Variants in ETV1 observed in about 807,000 individuals in gnomAD.
The protein encoded by ETV1 is ETS translocation variant 1.
A neutral mutation model predicts 62.3 loss-of-function variants in ETV1; 27 were observed. That is an observed-to-expected ratio of 0.43 (90% CI 0.32 to 0.60). ETV1 has a LOEUF of 0.60. Ranked by LOEUF, ETV1 falls within the 20% of genes least tolerant of loss-of-function variation. The probability of loss-of-function intolerance (pLI) is 0.06; values close to 1 mark genes in which losing one functional copy is unlikely to be tolerated. For synonymous variants in ETV1, 222 were observed against 199.6 expected (o/e 1.11, Z -0.94); for missense variants, 605 against 605.8 (o/e 1.00, Z 0.01).
At chr7:13,988,547 T>TCCC in intron 3 of ETV1, 1 of 337,732 alleles carries the variant, frequency 3.0e-6, no homozygotes, top group Non-Finnish European at 5.1e-6. Flanking sequence ...CAGCCCCTCC[T>TCCC]CCCCACCCCA....
intron 9 of ETV1, among the ~76,000 whole-genome samples, chr7:13,921,845 C>G (rs867238661): frequency 6.6e-6 from 1 of 152,078 alleles, no homozygotes. Flanking sequence ...TGAACGTATA[C>G]CGAATTATTA....
chr7:13,988,051 A>G (rs915094204), intron 4 of ETV1, 35 bp downstream of exon 4: 1 of 1,301,054 alleles, frequency 7.7e-7, no homozygotes, highest in Non-Finnish European at 1.1e-6. Flanking sequence ...AGTGTAGGTA[A>G]AAAAATGGGG....
intron 7 of ETV1, among the ~76,000 whole-genome samples, chr7:13,936,972 G>T (rs1382810189): frequency 6.6e-6 from 1 of 152,108 alleles, no homozygotes; most frequent in Non-Finnish European, 1.5e-5. Flanking sequence ...AACTCGGGAG[G>T]CAGAGGTTGC....
chr7:13,975,886 G>T (rs568445976), intron 6 of ETV1, among the ~76,000 whole-genome samples: 1 of 152,134 alleles, frequency 6.6e-6, no homozygotes, highest in Non-Finnish European at 1.5e-5. Flanking sequence ...AATTACTTTG[G>T]ATGTAAAATA....
At chr7:13,982,110 G>A (rs1782044439) in intron 5 of ETV1, among the ~76,000 whole-genome samples, 1 of 152,010 alleles carries the variant, frequency 6.6e-6, no homozygotes, top group Admixed American at 6.6e-5. Context: ...TATTCTTACT[G>A]TAACAGTAAA....
rs2128395219 is a variant in ETV1 at position 13,892,576 on chromosome 7, C to G, written c.*3290G>C. 4.3e-6 allele frequency: 1 copy of G among 232,752 alleles called. No homozygotes were observed. Among genetic ancestry groups the G allele is most frequent in the South Asian group, 1.8e-4 (1 of 5,520 alleles). The allele number at this position is 232,752 out of a possible 1,614,324, so 14.4% of individuals were successfully genotyped here. On this transcript the variant is annotated 3_prime_UTR_variant, in exon 14 of 14. Transcript: ENST00000430479. ...CTGCCCTCACCCCTTACATCCATGT[C>G]CTAATCCCTGGGACCTATGAATAAT...
intron 6 of ETV1, among the ~76,000 whole-genome samples, chr7:13,960,210 A>G (rs1259530110): frequency 6.6e-6 from 1 of 152,210 alleles, no homozygotes; most frequent in African/African-American, 2.4e-5. Context: ...CAGTAATGAC[A>G]TCACAAACCA....
At chr7:13,969,792 T>C (rs538835960) in intron 6 of ETV1, among the ~76,000 whole-genome samples, 8 of 152,210 alleles carry the variant, frequency 5.3e-5, no homozygotes, top group African/African-American at 1.9e-4. Flanking sequence ...GGACAACAGG[T>C]AAAATCTAAA....
chr7:13,941,002 G>GC (rs940221911), intron 6 of ETV1, among the ~76,000 whole-genome samples: 61 of 152,160 alleles, frequency 4.0e-4, no homozygotes, highest in African/African-American at 1.3e-3. Flanking sequence ...CTATTTCAAA[G>GC]CATTTTTTAA....
In ETV1 at chr7:13,896,085, C is replaced by T. The variant is rs1320515170; in HGVS notation, c.1215G>A (p.Val405=). ...ACTTGTAGACATATCTCTCTCCAGC[C>T]ACCTGATGATAACATGGAAGAGAAA... ...YYYEKGIMQK[V]AGERYVYKFV... Residue 405 remains valine (V), a splice_region_variant and synonymous_variant, in exon 14 of 14, where the codon GTG becomes GTA. Coordinates refer to ENST00000430479, the MANE Select transcript of ETV1 (RefSeq NM_004956.5). The T allele has an allele frequency of 1.2e-6, 2 of 1,611,732 alleles. No homozygotes were observed. The highest frequency in any genetic ancestry group is 1.3e-5 in the African/African-American group (1 of 74,984).
chr7:13,988,791 G>T lies in ETV1; in HGVS notation c.45+217C>A, dbSNP rs776583336. ...TGTTGGGCACTTTAATCAGAAAAAG[G>T]GGTCTTAAAAACAAAACTATGCCTT... On this transcript the variant is annotated intron_variant, in intron 3 of 13. Coordinates refer to ENST00000430479, the MANE Select transcript of ETV1 (RefSeq NM_004956.5). 1.9e-6 allele frequency: 3 copies of T among 1,606,228 alleles called. No homozygotes were observed. In the African/African-American group the frequency reaches 4.0e-5, roughly 22 times the overall value.
intron 11 of ETV1, among the ~76,000 whole-genome samples, chr7:13,907,468 GT>G (rs1783086895): frequency 6.6e-6 from 1 of 151,882 alleles, no homozygotes; most frequent in South Asian, 2.1e-4. Flanking sequence ...GTAAAAATCT[GT>G]TAAATAGAGC....
intron 5 of ETV1, among the ~76,000 whole-genome samples, chr7:13,979,115 T>G (rs890455364): frequency 1.3e-5 from 2 of 152,120 alleles, no homozygotes; most frequent in Non-Finnish European, 2.9e-5. Flanking sequence ...AAATCTTAAT[T>G]CTGTGACATG....
intron 6 of ETV1, among the ~76,000 whole-genome samples, chr7:13,964,556 TA>T (rs1488430130): frequency 5.3e-5 from 8 of 152,182 alleles, no homozygotes; most frequent in Admixed American, 1.3e-4. Context: ...GAATTATGCA[TA>T]GATACATTAA....
chr7:13,905,271 C>T (rs17735921), intron 12 of ETV1, among the ~76,000 whole-genome samples: 11,796 of 152,022 alleles, frequency 0.078, 513 homozygotes, highest in Middle Eastern at 0.16. Flanking sequence ...ACCCAGTAGT[C>T]AAGGGTGTGG....
At chr7:13,911,347 C>A in intron 9 of ETV1, 40 bp from the exon 10 acceptor site, 1 of 1,429,094 alleles carries the variant, frequency 7.0e-7, no homozygotes. Context: ...GAGTCTGGAG[C>A]TGAAACGCTG....
At chr7:13,940,868 G>A (rs1787422799) in intron 6 of ETV1, among the ~76,000 whole-genome samples, 2 of 152,198 alleles carry the variant, frequency 1.3e-5, no homozygotes, top group South Asian at 4.1e-4. Flanking sequence ...TGATACAAGT[G>A]TTCAACAGCA....
At chr7:13,943,879 C>T (rs867009874) in intron 6 of ETV1, among the ~76,000 whole-genome samples, 5 of 152,050 alleles carry the variant, frequency 3.3e-5, no homozygotes, top group African/African-American at 1.2e-4. Context: ...GTTTAAAAAA[C>T]TCTGAGGGAC....
chr7:13,947,966 G>A (rs1301542560), intron 6 of ETV1, among the ~76,000 whole-genome samples: 5 of 152,132 alleles, frequency 3.3e-5, no homozygotes, highest in Admixed American at 6.5e-5. Flanking sequence ...ACTAATTCAC[G>A]TGTGTCAGAT....
Sources: gnomAD v4.1 joint callset for allele counts (sites outside exome capture counted in the v4.1 genomes callset) on GRCh38, gnomAD v4.1.1 for gene constraint, MANE v1.5 for transcripts, NCBI Gene and HGNC (gene_info 2026-07-23, HGNC 2026-07-21) for gene names.